The following ANKRD30B variants were observed in gnomAD, a reference collection of about 807,000 sequenced individuals.
ANKRD30B encodes the protein ankyrin repeat domain-containing protein 30B.
Under a neutral mutation model 202.2 loss-of-function variants are expected in ANKRD30B, and 144 were observed. That is an observed-to-expected ratio of 0.71 (90% confidence interval 0.62 to 0.82). ANKRD30B has a LOEUF of 0.82. ANKRD30B is among the 40% of genes least tolerant of loss of function. The pLI is 0.00. For synonymous variants in ANKRD30B, 508 were observed against 561.3 expected, an observed-to-expected ratio of 0.91 and a Z score of 1.34; for missense variants, 1,487 against 1,669.1, an observed-to-expected ratio of 0.89 and a Z score of 1.90.
intron 15 of ANKRD30B, among the ~76,000 whole-genome samples, chr18:14,790,983 T>A (rs145856608): frequency 9.9e-5 from 15 of 152,226 alleles, no homozygotes; most frequent in Non-Finnish European, 4.4e-5. Flanking sequence ...TTCCTCCTTA[T>A]ACCTCTGGAA....
At chr18:14,906,493 C>T in the ANKRD30B span, among the ~76,000 whole-genome samples, 1 of 152,192 alleles carries the variant, frequency 6.6e-6, no homozygotes, top group East Asian at 1.9e-4. Context: ...TTGATATGCT[C>T]ATTTTCAGCC....
chr18:14,839,025 A>G (rs1340456121), intron 36 of ANKRD30B, among the ~76,000 whole-genome samples: 1 of 152,158 alleles, frequency 6.6e-6, no homozygotes, highest in Non-Finnish European at 1.5e-5. Flanking sequence ...ACTACTGCAG[A>G]TTTTCCATAT....
chr18:14,926,173 A>G, the ANKRD30B span, among the ~76,000 whole-genome samples: 10 of 152,188 alleles, frequency 6.6e-5, no homozygotes, highest in Non-Finnish European at 1.5e-4. Context: ...CTGAAGGTGT[A>G]ATTACCTATG....
chr18:14,938,060 A>T, the ANKRD30B span, among the ~76,000 whole-genome samples: 1 of 152,186 alleles, frequency 6.6e-6, no homozygotes, highest in African/African-American at 2.4e-5. Flanking sequence ...CCCAGGTATG[A>T]AACTGACGAG....
chr18:14,832,742 T>A (rs1164002368), intron 34 of ANKRD30B, among the ~76,000 whole-genome samples: 2 of 152,242 alleles, frequency 1.3e-5, no homozygotes, highest in Non-Finnish European at 2.9e-5. Flanking sequence ...CTTAAATTTA[T>A]ATTTTCTTTT....
the ANKRD30B span, among the ~76,000 whole-genome samples, chr18:14,868,502 C>T: frequency 2.0e-5 from 3 of 152,284 alleles, no homozygotes; most frequent in Non-Finnish European, 4.4e-5. Context: ...TGTGGGATCC[C>T]CCCATGTAAG....
intron 24 of ANKRD30B, among the ~76,000 whole-genome samples, chr18:14,805,935 T>G (rs2144026931): frequency 6.6e-6 from 1 of 150,496 alleles, no homozygotes; most frequent in African/African-American, 2.5e-5. Context: ...ATTTAAAGAT[T>G]TCAGGCCAGG....
In ANKRD30B at chr18:14,806,230, G is replaced by GA. The variant is rs199824965; in HGVS notation, c.2285-2311dup. On this transcript the variant is annotated intron_variant, in intron 24 of 43. Transcript: ENST00000690538. Reference sequence around the variant, plus strand: ...GCGAGACACCGCCAAAAAAAAAAAAGAAAAAAAAAATCATAGTGTGCATTT... The same window carrying GA: ...GCGAGACACCGCCAAAAAAAAAAAAGAAAAAAAAAAATCATAGTGTGCATTT... Among the ~76,000 whole-genome samples the GA allele has an allele frequency of 1.3e-3, 182 of 144,702 alleles. 7 individuals carry two copies. The highest frequency in any genetic ancestry group is 4.2e-3 in the African/African-American group (162 of 38,792). 94.9% of individuals were successfully genotyped at this position (144,702 alleles called of 152,430 possible).
the ANKRD30B span, among the ~76,000 whole-genome samples, chr18:14,860,976 C>T: frequency 6.6e-6 from 1 of 152,138 alleles, no homozygotes; most frequent in African/African-American, 2.4e-5. Flanking sequence ...GCTAGGATTA[C>T]AGGTGCGAGC....
At chr18:14,838,479 C>T (rs2143155633) in intron 36 of ANKRD30B, among the ~76,000 whole-genome samples, 1 of 152,274 alleles carries the variant, frequency 6.6e-6, no homozygotes, top group African/African-American at 2.4e-5. Flanking sequence ...ACTATAATAA[C>T]AACAATTTGG....
the ANKRD30B span, among the ~76,000 whole-genome samples, chr18:14,911,899 C>T: frequency 6.6e-6 from 1 of 152,014 alleles, no homozygotes; most frequent in African/African-American, 2.4e-5. Context: ...ATGGGATTGC[C>T]TTCTCAATTC....
At chr18:14,761,205 T>C (rs1915206794) in intron 6 of ANKRD30B, among the ~76,000 whole-genome samples, 1 of 152,154 alleles carries the variant, frequency 6.6e-6, no homozygotes, top group Non-Finnish European at 1.5e-5. Flanking sequence ...CGGGGGTCTA[T>C]CCTGCAGATC....
At chr18:14,859,968 C>T in the ANKRD30B span, among the ~76,000 whole-genome samples, 10 of 127,936 alleles carry the variant, frequency 7.8e-5, no homozygotes, top group East Asian at 2.6e-4. Flanking sequence ...CCAGATGGGG[C>T]GACCGGGAAG....
intron 8 of ANKRD30B, among the ~76,000 whole-genome samples, chr18:14,770,982 C>G (rs1966966181): frequency 6.6e-6 from 1 of 152,132 alleles, no homozygotes; most frequent in African/African-American, 2.4e-5. Flanking sequence ...GATGTCCCCT[C>G]CCCTTTGTCT....
intron 9 of ANKRD30B, 47 bp from the exon 10 acceptor site, chr18:14,777,937 AC>A: frequency 7.1e-7 from 1 of 1,409,240 alleles, no homozygotes; most frequent in Non-Finnish European, 9.7e-7. Flanking sequence ...TCTCAAAAAA[AC>A]AAAAAAAGGA....
downstream of ANKRD30B, among the ~76,000 whole-genome samples, chr18:14,859,024 T>G (rs1313163898): frequency 6.3e-5 from 5 of 79,380 alleles, no homozygotes; most frequent in African/African-American, 6.3e-5. Flanking sequence ...CCTCCCAGAC[T>G]GGGCGGCCAG....
chr18:14,793,366 T>C (rs1968653380), intron 16 of ANKRD30B, among the ~76,000 whole-genome samples: 1 of 152,208 alleles, frequency 6.6e-6, no homozygotes, highest in South Asian at 2.1e-4. Flanking sequence ...ATTATTATAA[T>C]GTGTTGCATT....
At chr18:14,834,246 A>T (rs1033953971) in intron 34 of ANKRD30B, among the ~76,000 whole-genome samples, 1 of 152,154 alleles carries the variant, frequency 6.6e-6, no homozygotes, top group African/African-American at 2.4e-5. Context: ...TAATTTTAAA[A>T]TTTTAATTAT....
chr18:14,915,321 C>T, the ANKRD30B span, among the ~76,000 whole-genome samples: 19 of 152,186 alleles, frequency 1.2e-4, no homozygotes, highest in Admixed American at 1.0e-3. Context: ...AAAGACACTG[C>T]ACCTCTCTTC....
Sources: allele counts gnomAD v4.1 joint callset (sites outside exome capture counted in the v4.1 genomes callset), GRCh38; gene constraint gnomAD v4.1.1; transcripts MANE v1.5; gene names NCBI Gene and HGNC (gene_info 2026-07-23, HGNC 2026-07-21).